ACOT7: variants seen among roughly 807,000 people sequenced by gnomAD.
ACOT7 encodes cytosolic acyl coenzyme A thioester hydrolase.
Under a neutral mutation model 40.2 loss-of-function variants are expected in ACOT7, and 12 were observed. That is an observed-to-expected ratio of 0.30 (90% CI 0.19 to 0.48). The LOEUF (loss-of-function observed/expected upper bound fraction) is 0.48, where lower values mean the gene tolerates loss of function less well. Among genes scored for constraint, ACOT7 ranks in the 20% least tolerant of loss-of-function variants. The pLI is 0.99. For synonymous variants in ACOT7, 228 were observed against 219.5 expected (o/e 1.04, Z -0.34); for missense variants, 395 against 530.8 (o/e 0.74, Z 2.51).
chr1:6,300,072 G>A (rs1001313792), intron 6 of ACOT7, among the ~76,000 whole-genome samples: 2 of 152,212 alleles, frequency 1.3e-5, no homozygotes, highest in Non-Finnish European at 2.9e-5. Flanking sequence ...GTGTGTGCTG[G>A]GGAGACACAT....
At chr1:6,369,532 G>C (rs4908883) in intron 1 of ACOT7, among the ~76,000 whole-genome samples, 11,492 of 146,554 alleles carry the variant, frequency 0.078, 482 homozygotes, top group Non-Finnish European at 0.092. Flanking sequence ...TCAGCCTCCT[G>C]AGTAGCTGGG....
At position 6,338,794 on chromosome 1, in the gene ACOT7, C is replaced by T. The variant is rs1641180117; in HGVS notation, c.418+639G>A. Among the ~76,000 whole-genome samples, 1 of 152,062 alleles carries T rather than the reference C, an allele frequency of 6.6e-6. No homozygotes were observed. Among genetic ancestry groups the T allele is most frequent in the Non-Finnish European group, 1.5e-5 (1 of 68,016 alleles). On this transcript the variant is annotated intron_variant, in intron 3 of 8. Coordinates refer to ENST00000361521, the MANE Select transcript of ACOT7 (RefSeq NM_007274.4). This position sits in a 1 kb window ranked among gnomAD's most constrained non-coding sequence, Gnocchi z 4.4. The stretch of plus-strand genomic sequence containing the variant: ...AGAGGACCAGGGGCAGGGGAAGAGG[C>T]CCGCCTTCCCCCTCACCTCCCGTCC...
chr1:6,375,930 T>A (rs552321351), intron 1 of ACOT7, among the ~76,000 whole-genome samples: 109 of 136,904 alleles, frequency 8.0e-4, no homozygotes, highest in African/African-American at 3.1e-3. Flanking sequence ...AGAGCGAGAC[T>A]CCACCTCAAA....
chr1:6,336,229 G>C (rs1641097455), intron 3 of ACOT7, among the ~76,000 whole-genome samples: 1 of 151,206 alleles, frequency 6.6e-6, no homozygotes, highest in South Asian at 2.1e-4. Context: ...AGCTACTCGG[G>C]AGGCTGAGGC....
rs1639978294 is a variant in ACOT7 at position 6,301,712 on chromosome 1, A to G, written c.713-6732T>C. Among the ~76,000 whole-genome samples the G allele has an allele frequency of 6.6e-6, 1 of 152,224 alleles. No individual in the cohort carries two copies. The highest frequency in any genetic ancestry group is 1.5e-5 in the Non-Finnish European group (1 of 68,036). On this transcript the variant is annotated intron_variant, in intron 6 of 8. Transcript: ENST00000361521. This position sits in a 1 kb window ranked among gnomAD's most constrained non-coding sequence, Gnocchi z 4.1. ...CAGCCACAAAGTATGTGGCTCCTTCAGGCAACAATTTGCGTCAAGAATTAG... is the reference window on the plus strand; with the variant it reads ...CAGCCACAAAGTATGTGGCTCCTTCGGGCAACAATTTGCGTCAAGAATTAG...
chr1:6,306,790 C>T lies in ACOT7; in HGVS notation c.712+11702G>A, dbSNP rs188367092. The T allele has an allele frequency of 3.6e-5, 46 of 1,288,238 alleles. No homozygotes were observed. The highest frequency in any genetic ancestry group is 2.6e-4 in the African/African-American group (17 of 65,962). The allele number at this position is 1,288,238 out of a possible 1,614,324, so 79.8% of individuals were successfully genotyped here. On this transcript the variant is annotated intron_variant, in intron 6 of 8. Transcript: ENST00000361521. The surrounding 1 kb of genome is among the most constrained non-coding windows in gnomAD (Gnocchi z 4.3). ...TGAGGGTCTGGTGTGTTGTGTCCCA[C>T]GTAGCAGTGGGGGCTCCGGCCAAAC...
At chr1:6,265,046 C>T (rs1638779051) in intron 8 of ACOT7, among the ~76,000 whole-genome samples, 1 of 152,228 alleles carries the variant, frequency 6.6e-6, no homozygotes. Context: ...CATCCTCTCA[C>T]CACCTTTCAC....
At position 6,393,533 on chromosome 1, in the gene ACOT7, C is replaced by A. The variant is rs1323982281; in HGVS notation, c.-134G>T. The A allele has an allele frequency of 1.2e-6, 1 of 821,806 alleles. No homozygotes were observed. Among genetic ancestry groups the A allele is most frequent in the African/African-American group, 1.8e-5 (1 of 55,444 alleles). The allele number at this position is 821,806 out of a possible 1,614,324, so 50.9% of individuals were successfully genotyped here. A position where few individuals can be genotyped will look rare whatever the true frequency, so the allele number is the denominator to read the frequency against. On this transcript the variant is annotated 5_prime_UTR_variant, in exon 1 of 9. Transcript: ENST00000361521. The stretch of plus-strand genomic sequence containing the variant: ...ACCCCGAGCCCCGCCTCCCAGGCCG[C>A]CAAGGCTGCAGAGAGCTCGCGCGGG...
intron 6 of ACOT7, among the ~76,000 whole-genome samples, chr1:6,310,481 G>A (rs1251361022): frequency 6.6e-6 from 1 of 152,232 alleles, no homozygotes; most frequent in African/African-American, 2.4e-5. Flanking sequence ...ACCTCAGGGT[G>A]GCCAGGTCAG....
At chr1:6,321,590 C>T (rs1366329848) in intron 5 of ACOT7, among the ~76,000 whole-genome samples, 1 of 152,250 alleles carries the variant, frequency 6.6e-6, no homozygotes, top group Non-Finnish European at 1.5e-5. Context: ...TCTCGGCTCA[C>T]TGCAAGCTCT....
At chr1:6,375,431 G>A (rs1201710107) in intron 1 of ACOT7, among the ~76,000 whole-genome samples, 1 of 152,092 alleles carries the variant, frequency 6.6e-6, no homozygotes, top group Non-Finnish European at 1.5e-5. Flanking sequence ...ACTTTGGGAG[G>A]TAGACGCGGG....
At chr1:6,265,452 C>T (rs1030691229) in intron 8 of ACOT7, among the ~76,000 whole-genome samples, 1 of 152,226 alleles carries the variant, frequency 6.6e-6, no homozygotes, top group Non-Finnish European at 1.5e-5. Flanking sequence ...CTGGACCGTA[C>T]ACTCAGGAGG....
rs1180838985 is a variant in ACOT7 at position 6,275,165 on chromosome 1, A to T, written c.1014+5937T>A. 6.6e-6 allele frequency among the ~76,000 whole-genome samples: 1 copy of T among 152,132 alleles called. No individual in the cohort carries two copies. Among genetic ancestry groups the T allele is most frequent in the African/African-American group, 2.4e-5 (1 of 41,434 alleles). ...CTGTACCCAGGCACCACCCAAGAGG[A>T]AGCCTCCCCTGCCCCTCCAGTCCCT... On this transcript the variant is annotated intron_variant, in intron 8 of 8. Transcript: ENST00000361521. The surrounding 1 kb of genome is among the most constrained non-coding windows in gnomAD (Gnocchi z 5.6).
intron 1 of ACOT7, among the ~76,000 whole-genome samples, chr1:6,384,147 C>G (rs774527745): frequency 6.6e-6 from 1 of 151,784 alleles, no homozygotes; most frequent in Non-Finnish European, 1.5e-5. Context: ...ATAAAGAGCT[C>G]TCATCACTCA....
intron 1 of ACOT7, among the ~76,000 whole-genome samples, chr1:6,365,235 G>A (rs912668592): frequency 1.3e-5 from 2 of 152,170 alleles, no homozygotes; most frequent in South Asian, 2.1e-4. Flanking sequence ...GGCCTCAGCA[G>A]GGTGACAGGT....
rs960206562 is a variant in ACOT7 at position 6,278,760 on chromosome 1, G to A, written c.1014+2342C>T. On this transcript the variant is annotated intron_variant, in intron 8 of 8. Coordinates refer to ENST00000361521, the MANE Select transcript of ACOT7 (RefSeq NM_007274.4). This position sits in a 1 kb window ranked among gnomAD's most constrained non-coding sequence, Gnocchi z 4.1. ...GCCAAGGGTTCGGGGACCGTGTGGT[G>A]GCCGGGGAGGCTGGAGTATCCCTAC... is the stretch of plus-strand genomic sequence containing the variant. Among the ~76,000 whole-genome samples the A allele has an allele frequency of 6.6e-6, 1 of 152,194 alleles. No homozygotes were observed. Among genetic ancestry groups the A allele is most frequent in the Non-Finnish European group, 1.5e-5 (1 of 68,042 alleles).
In ACOT7 at chr1:6,358,972, C is replaced by T. The variant is rs879518927; in HGVS notation, c.144-9106G>A. On this transcript the variant is annotated intron_variant, in intron 1 of 8. Transcript: ENST00000361521. This position sits in a 1 kb window ranked among gnomAD's most constrained non-coding sequence, Gnocchi z 4.1. ...CACCGGGCTTGGTGGGGAGCACCCC[C>T]CACCCCCAGCTTCCTGAGCTGCCCA... 3 of 1,462,924 alleles carry T rather than the reference C, an allele frequency of 2.1e-6. No homozygotes were observed. The highest frequency in any genetic ancestry group is 4.4e-5 in the Admixed American group (2 of 45,640). The allele number at this position is 1,462,924 out of a possible 1,614,324, so 90.6% of individuals were successfully genotyped here. A position where few individuals can be genotyped will look rare whatever the true frequency, so the allele number is the denominator to read the frequency against.
At position 6,275,012 on chromosome 1, in the gene ACOT7, C is replaced by T. The variant is rs972459124; in HGVS notation, c.1014+6090G>A. 1.3e-5 allele frequency among the ~76,000 whole-genome samples: 2 copies of T among 152,220 alleles called. No homozygotes were observed. The highest frequency in any genetic ancestry group is 4.8e-5 in the African/African-American group (2 of 41,456). ...TGAAGTCACAGATGGGCCTGCTGGC[C>T]GTGCGACCCCTGGCGAGTGACTCCC... is the stretch of plus-strand genomic sequence containing the variant. On this transcript the variant is annotated intron_variant, in intron 8 of 8. Coordinates refer to ENST00000361521, the MANE Select transcript of ACOT7 (RefSeq NM_007274.4). The surrounding 1 kb of genome is among the most constrained non-coding windows in gnomAD (Gnocchi z 5.6).
chr1:6,309,015 G>A (rs959033450), intron 6 of ACOT7, among the ~76,000 whole-genome samples: 1 of 152,160 alleles, frequency 6.6e-6, no homozygotes, highest in Non-Finnish European at 1.5e-5. Flanking sequence ...AGCACTCACC[G>A]CCAAGGCCGA....
Sources: allele counts gnomAD v4.1 joint callset (sites outside exome capture counted in the v4.1 genomes callset), GRCh38; gene constraint gnomAD v4.1.1; non-coding constraint Gnocchi (gnomAD v3.1); transcripts MANE v1.5; gene names NCBI Gene and HGNC (gene_info 2026-07-23, HGNC 2026-07-21).